EVI5: variants seen among roughly 807,000 people sequenced by gnomAD.
The protein encoded by EVI5 is ecotropic viral integration site 5.
In EVI5, 73 loss-of-function variants were observed where a neutral mutation model predicts 112.0. That is an observed-to-expected ratio of 0.65 (90% CI 0.54 to 0.79). The LOEUF is 0.79. Among genes scored for constraint, EVI5 ranks in the 30% least tolerant of loss-of-function variants. The probability of loss-of-function intolerance (pLI) is 0.00; values close to 1 mark genes in which losing one functional copy is unlikely to be tolerated. For synonymous variants in EVI5, 305 were observed against 319.9 expected (o/e 0.95, Z 0.50); for missense variants, 900 against 968.8 (o/e 0.93, Z 0.94).
At chr1:92,790,618 CAAAT>C (rs2103160401) in intron 1 of EVI5, among the ~76,000 whole-genome samples, 1 of 151,116 alleles carries the variant, frequency 6.6e-6, no homozygotes, top group African/African-American at 2.4e-5. Flanking sequence ...GAAAGGTACT[CAAAT>C]AAAAAGCTAT....
At position 92,585,222 on chromosome 1, in the gene EVI5, C is replaced by CA. The variant is rs60701144; in HGVS notation, c.2070+20084dup. Among the ~76,000 whole-genome samples the CA allele has an allele frequency of 9.6e-4, 140 of 146,190 alleles. 1 individual carries two copies. The highest frequency in any genetic ancestry group is 1.5e-3 in the South Asian group (7 of 4,664). ...TAAGAGACAGAGTGAGACTCCATCTCAAAAAAAAAAAAAAATCAGCCCAGT... is the reference window on the plus strand; with the variant it reads ...TAAGAGACAGAGTGAGACTCCATCTCAAAAAAAAAAAAAAAATCAGCCCAGT... On this transcript the variant is annotated intron_variant, in intron 18 of 19. Transcript: ENST00000684568.
At chr1:92,735,635 A>C (rs894763018) in intron 2 of EVI5, among the ~76,000 whole-genome samples, 39 of 32,854 alleles carry the variant, frequency 1.2e-3, no homozygotes, top group African/African-American at 3.9e-3. Context: ...TATATGATAT[A>C]TGTCATATAT....
chr1:92,564,591 T>C (rs1416233189), intron 18 of EVI5, among the ~76,000 whole-genome samples: 3 of 152,194 alleles, frequency 2.0e-5, no homozygotes, highest in African/African-American at 7.2e-5. Context: ...AGGTGAGCAC[T>C]GGGACTATTT....
At chr1:92,683,674 G>T (rs1018526873) in intron 9 of EVI5, among the ~76,000 whole-genome samples, 1 of 152,210 alleles carries the variant, frequency 6.6e-6, no homozygotes, top group African/African-American at 2.4e-5. Context: ...AAGGTTAGAT[G>T]ATTGGCTAAC....
chr1:92,612,874 G>A (rs1045279181), intron 16 of EVI5, among the ~76,000 whole-genome samples: 1 of 152,180 alleles, frequency 6.6e-6, no homozygotes, highest in South Asian at 2.1e-4. Context: ...ACTGGTGGAA[G>A]CTAAGTATTG....
chr1:92,516,273 C>T (rs1659857404), intron 19 of EVI5, among the ~76,000 whole-genome samples: 1 of 152,140 alleles, frequency 6.6e-6, no homozygotes, highest in Admixed American at 6.6e-5. Context: ...GGCAGAAGAA[C>T]CACAACTTCC....
At chr1:92,577,826 A>G (rs995988877) in intron 18 of EVI5, among the ~76,000 whole-genome samples, 4 of 152,222 alleles carry the variant, frequency 2.6e-5, no homozygotes, top group African/African-American at 9.6e-5. Context: ...TTCATCTTCT[A>G]GACAGATATT....
intron 13 of EVI5, among the ~76,000 whole-genome samples, chr1:92,657,724 C>A (rs1485534170): frequency 2.6e-5 from 4 of 151,932 alleles, no homozygotes; most frequent in Admixed American, 2.0e-4. Context: ...TGAAGAAATA[C>A]CTGAGGCTGG....
intron 19 of EVI5, among the ~76,000 whole-genome samples, chr1:92,537,204 G>A (rs1384501918): frequency 9.2e-5 from 14 of 152,114 alleles, no homozygotes; most frequent in Admixed American, 9.2e-4. Flanking sequence ...TTAAACCATT[G>A]AAGTGAATCA....
At chr1:92,667,364 T>C (rs947587243) in intron 10 of EVI5, among the ~76,000 whole-genome samples, 1 of 152,164 alleles carries the variant, frequency 6.6e-6, no homozygotes, top group Admixed American at 6.5e-5. Context: ...GTTGCAAAAT[T>C]CTGAAAATAC....
chr1:92,749,064 C>A (rs1387243794), intron 1 of EVI5: 41 of 98,838 alleles, frequency 4.1e-4, no homozygotes, highest in Non-Finnish European at 6.3e-4. Flanking sequence ...GAAACTCTGT[C>A]TCAAAAAAAA....
At chr1:92,607,771 C>A (rs772178679) in intron 16 of EVI5, 44 bp from the exon 17 acceptor site, 39 of 1,410,618 alleles carry the variant, frequency 2.8e-5, no homozygotes, top group Non-Finnish European at 3.5e-5. Flanking sequence ...GATACAAGAC[C>A]TAAAAATTAA....
At chr1:92,709,371 TA>T (rs1212934592) in intron 2 of EVI5, among the ~76,000 whole-genome samples, 2 of 152,188 alleles carry the variant, frequency 1.3e-5, no homozygotes, top group Non-Finnish European at 2.9e-5. Flanking sequence ...TCAATATTTG[TA>T]AAAAATATTA....
At chr1:92,631,627 C>G (rs1557945319) in intron 14 of EVI5, among the ~76,000 whole-genome samples, 1 of 152,180 alleles carries the variant, frequency 6.6e-6, no homozygotes, top group African/African-American at 2.4e-5. Context: ...CATCTGCAAA[C>G]AGGGACAATT....
At chr1:92,632,342 A>G (rs1268298467) in intron 14 of EVI5, among the ~76,000 whole-genome samples, 12 of 152,288 alleles carry the variant, frequency 7.9e-5, no homozygotes, top group African/African-American at 2.6e-4. Flanking sequence ...GCTATTAATT[A>G]TTGCCTCAAT....
At chr1:92,690,374 G>C (rs1669296896) in intron 9 of EVI5, among the ~76,000 whole-genome samples, 1 of 150,582 alleles carries the variant, frequency 6.6e-6, no homozygotes, top group South Asian at 2.1e-4. Context: ...TTGGAGACAG[G>C]GTCTCACTCT....
intron 19 of EVI5, among the ~76,000 whole-genome samples, chr1:92,526,639 T>C (rs914052580): frequency 6.6e-6 from 1 of 152,136 alleles, no homozygotes; most frequent in African/African-American, 2.4e-5. Flanking sequence ...CTACATGACA[T>C]TCTGGAAAAG....
At chr1:92,651,058 C>A (rs1275438313) in intron 13 of EVI5, among the ~76,000 whole-genome samples, 1 of 152,170 alleles carries the variant, frequency 6.6e-6, no homozygotes, top group Non-Finnish European at 1.5e-5. Flanking sequence ...CACCTTATTA[C>A]CACCTGAAAT....
intron 19 of EVI5, among the ~76,000 whole-genome samples, chr1:92,523,219 T>A (rs565810022): frequency 8.5e-5 from 13 of 152,214 alleles, no homozygotes; most frequent in East Asian, 3.9e-4. Context: ...AATATTTTTT[T>A]AAAAATACAG....
Sources: gnomAD v4.1 joint callset for allele counts (sites outside exome capture counted in the v4.1 genomes callset) on GRCh38, gnomAD v4.1.1 for gene constraint, MANE v1.5 for transcripts, NCBI Gene and HGNC (gene_info 2026-07-23, HGNC 2026-07-21) for gene names.